Variants in SH3GL2 observed in about 807,000 individuals in gnomAD.
The protein encoded by SH3GL2 is SH3 domain containing GRB2 like 2, endophilin A1.
Under a neutral mutation model 46.0 loss-of-function variants are expected in SH3GL2, and 24 were observed. The ratio of observed to expected loss-of-function variants is 0.52; its 90% CI spans 0.38 to 0.73. The LOEUF (loss-of-function observed/expected upper bound fraction) is 0.73, where lower values mean the gene tolerates loss of function less well. Among genes scored for constraint, SH3GL2 ranks in the 30% least tolerant of loss-of-function variants. SH3GL2 has a pLI of 0.00. For synonymous variants in SH3GL2, 196 were observed against 147.1 expected, an observed-to-expected ratio of 1.33 and a Z score of -2.40; for missense variants, 413 against 424.2, an observed-to-expected ratio of 0.97 and a Z score of 0.23.
chr9:17,652,142 G>T (rs1008899062), intron 1 of SH3GL2, among the ~76,000 whole-genome samples: 1 of 152,008 alleles, frequency 6.6e-6, no homozygotes, highest in African/African-American at 2.4e-5. Flanking sequence ...GGTGGATTTA[G>T]TTATCAGCTA....
At chr9:17,579,792 C>T (rs914358720) in intron 1 of SH3GL2, among the ~76,000 whole-genome samples, 2 of 152,164 alleles carry the variant, frequency 1.3e-5, no homozygotes, top group South Asian at 4.1e-4. Flanking sequence ...CAGAACCCTC[C>T]TTCCCCGCCG....
At chr9:17,774,625 G>C (rs1438501519) in intron 3 of SH3GL2, among the ~76,000 whole-genome samples, 1 of 151,704 alleles carries the variant, frequency 6.6e-6, no homozygotes, top group Non-Finnish European at 1.5e-5. Context: ...CCATATGCTT[G>C]TATTTCAGGA....
intron 1 of SH3GL2, among the ~76,000 whole-genome samples, chr9:17,587,235 A>G (rs748515062): frequency 2.6e-5 from 4 of 152,156 alleles, no homozygotes; most frequent in Non-Finnish European, 4.4e-5. Context: ...AGTACAGGAA[A>G]TAATGTCCAC....
chr9:17,682,457 G>A (rs1015819840), intron 1 of SH3GL2, among the ~76,000 whole-genome samples: 4 of 152,014 alleles, frequency 2.6e-5, no homozygotes, highest in African/African-American at 7.3e-5. Flanking sequence ...ACTCACACAG[G>A]AACAGAAAAT....
chr9:17,770,551 TG>T (rs1823445751), intron 3 of SH3GL2, among the ~76,000 whole-genome samples: 1 of 152,092 alleles, frequency 6.6e-6, no homozygotes, highest in Admixed American at 6.6e-5. Context: ...CCAATAAATA[TG>T]GCAAAGGTAA....
At chr9:17,708,233 C>G (rs1821525248) in intron 1 of SH3GL2, among the ~76,000 whole-genome samples, 1 of 151,906 alleles carries the variant, frequency 6.6e-6, no homozygotes, top group Non-Finnish European at 1.5e-5. Flanking sequence ...ATCACTGTCC[C>G]CACTCCTTTC....
chr9:17,789,680 T>C (rs974720999), intron 6 of SH3GL2, 130 bp downstream of exon 6: 5 of 1,438,304 alleles, frequency 3.5e-6, no homozygotes, highest in East Asian at 2.5e-5. Context: ...TAGATAGTTA[T>C]TTATTTTAAA....
At position 17,624,972 on chromosome 9, in the gene SH3GL2, C is replaced by A. The variant is rs938924224; in HGVS notation, c.45+45685C>A. ...AATTGGTAAATGAGGAATATCTGTT[C>A]AGAGTGTGAGTGAGATGAAAATTGT... On this transcript the variant is annotated intron_variant, in intron 1 of 8. Transcript: ENST00000380607. 2.6e-5 allele frequency among the ~76,000 whole-genome samples: 4 copies of A among 152,164 alleles called. No homozygotes were observed. The East Asian group carries it at 7.7e-4, about 29-fold the overall frequency.
chr9:17,687,870 C>G (rs773472258), intron 1 of SH3GL2, among the ~76,000 whole-genome samples: 5 of 152,054 alleles, frequency 3.3e-5, no homozygotes, highest in Admixed American at 2.6e-4. Flanking sequence ...AAGTAATTAT[C>G]ATATTTGTTA....
chr9:17,683,652 C>T (rs1563810979), intron 1 of SH3GL2, among the ~76,000 whole-genome samples: 1 of 152,080 alleles, frequency 6.6e-6, no homozygotes, highest in African/African-American at 2.4e-5. Flanking sequence ...GAGAATACTT[C>T]CTCTCTACAT....
chr9:17,601,547 T>C (rs140512170), intron 1 of SH3GL2, among the ~76,000 whole-genome samples: 1 of 152,224 alleles, frequency 6.6e-6, no homozygotes, highest in Admixed American at 6.5e-5. Flanking sequence ...TTTTGTCCTT[T>C]GTAAAATATC....
intron 1 of SH3GL2, among the ~76,000 whole-genome samples, chr9:17,632,162 T>G (rs936076997): frequency 7.9e-5 from 12 of 152,172 alleles, no homozygotes; most frequent in African/African-American, 2.9e-4. Context: ...AATGCTGGGT[T>G]AAAATTGTCC....
chr9:17,793,560 GA>G, intron 8 of SH3GL2, 63 bp downstream of exon 8: 1 of 1,505,834 alleles, frequency 6.6e-7, no homozygotes. Context: ...CACTCTTCCA[GA>G]AATTTTAGGA....
chr9:17,714,614 C>G (rs58337956), intron 1 of SH3GL2, among the ~76,000 whole-genome samples: 10,485 of 151,782 alleles, frequency 0.069, 1,174 homozygotes, highest in African/African-American at 0.24. Flanking sequence ...TAGTACTTCA[C>G]TTATTGCATA....
chr9:17,643,957 G>A (rs150794340), intron 1 of SH3GL2, among the ~76,000 whole-genome samples: 2 of 152,280 alleles, frequency 1.3e-5, no homozygotes, highest in East Asian at 1.9e-4. Context: ...GAATTCGTCT[G>A]GTCCTGGGCT....
At chr9:17,608,305 A>G (rs772894123) in intron 1 of SH3GL2, among the ~76,000 whole-genome samples, 3 of 151,546 alleles carry the variant, frequency 2.0e-5, no homozygotes, top group Non-Finnish European at 1.5e-5. Flanking sequence ...CCACCACCAC[A>G]CCTGGCTAAA....
At chr9:17,606,383 G>T (rs1464492223) in intron 1 of SH3GL2, among the ~76,000 whole-genome samples, 1 of 152,126 alleles carries the variant, frequency 6.6e-6, no homozygotes, top group Non-Finnish European at 1.5e-5. Context: ...AAGCCACCAT[G>T]CCCGCTCAGA....
At chr9:17,614,562 C>T (rs1249812465) in intron 1 of SH3GL2, among the ~76,000 whole-genome samples, 1 of 152,074 alleles carries the variant, frequency 6.6e-6, no homozygotes, top group Non-Finnish European at 1.5e-5. Context: ...AGGGCAGGCA[C>T]CCAACATTCT....
At chr9:17,699,993 C>T (rs1362575709) in intron 1 of SH3GL2, among the ~76,000 whole-genome samples, 1 of 152,176 alleles carries the variant, frequency 6.6e-6, no homozygotes, top group Non-Finnish European at 1.5e-5. Context: ...CACCAGTTTA[C>T]ATTCCTGAGA....
Sources: allele counts gnomAD v4.1 joint callset (sites outside exome capture counted in the v4.1 genomes callset), GRCh38; gene constraint gnomAD v4.1.1; transcripts MANE v1.5; gene names NCBI Gene and HGNC (gene_info 2026-07-23, HGNC 2026-07-21).